NKAIN3: variants seen among roughly 807,000 people sequenced by gnomAD.
NKAIN3 encodes sodium/potassium-transporting ATPase subunit beta-1-interacting protein 3.
In NKAIN3, 25 loss-of-function variants were observed where a neutral mutation model predicts 30.2. The ratio of observed to expected loss-of-function variants is 0.83; its 90% CI spans 0.60 to 1.16. The LOEUF (loss-of-function observed/expected upper bound fraction) is 1.16. NKAIN3 is among the 50% of genes most tolerant of loss of function. The pLI, the probability that NKAIN3 is intolerant of heterozygous loss-of-function variation, is 0.00. For missense variants in NKAIN3, 225 were observed against 254.1 expected (o/e 0.89, Z 0.78); for synonymous variants, 91 against 89.6 (o/e 1.02, Z -0.09).
intron 1 of NKAIN3, among the ~76,000 whole-genome samples, chr8:62,577,666 T>A (rs1416139227): frequency 6.6e-6 from 1 of 151,084 alleles, no homozygotes; most frequent in Non-Finnish European, 1.5e-5. Flanking sequence ...AGAGAAAGGT[T>A]CCTGGGGACT....
rs1416853506 is a variant in NKAIN3 at position 62,891,865 on chromosome 8, TTC to T, written c.472-26584_472-26583del. ...TCTTCTTCCTTGCCTTCCCCCCGCT[TTC>T]TCTTTTTCATCTTCACACAATAAAT... On this transcript the variant is annotated intron_variant, in intron 4 of 6. Coordinates refer to ENST00000623646, the MANE Select transcript of NKAIN3 (RefSeq NM_001304533.3). 7.0e-4 allele frequency among the ~76,000 whole-genome samples: 107 copies of T among 152,278 alleles called. 1 individual carries two copies. The highest frequency in any genetic ancestry group is 4.4e-5 in the Non-Finnish European group (3 of 68,032).
intron 6 of NKAIN3, among the ~76,000 whole-genome samples, chr8:62,964,349 T>G (rs566787357): frequency 6.6e-6 from 1 of 152,176 alleles, no homozygotes; most frequent in African/African-American, 2.4e-5. Flanking sequence ...TAGTAGGTAC[T>G]GTGTTGAGGT....
intron 1 of NKAIN3, among the ~76,000 whole-genome samples, chr8:62,312,278 A>T (rs933891586): frequency 6.6e-6 from 1 of 150,734 alleles, no homozygotes; most frequent in Non-Finnish European, 1.5e-5. Flanking sequence ...AACAATGGAA[A>T]TAACACCTTT....
intron 3 of NKAIN3, among the ~76,000 whole-genome samples, chr8:62,655,550 GTAGAATAAATA>G (rs6150610): frequency 0.11 from 16,504 of 152,090 alleles, 1,080 homozygotes; most frequent in East Asian, 0.32. Flanking sequence ...TAAAAAACAG[GTAGAATAAATA>G]TAGAACTGGT....
chr8:62,275,597 A>G (rs1001389812), intron 1 of NKAIN3, among the ~76,000 whole-genome samples: 1 of 152,220 alleles, frequency 6.6e-6, no homozygotes, highest in Non-Finnish European at 1.5e-5. Context: ...ACCAACTAAG[A>G]ATAAATTTAA....
intron 4 of NKAIN3, among the ~76,000 whole-genome samples, chr8:62,791,141 C>A (rs948325555): frequency 5.3e-5 from 8 of 151,986 alleles, no homozygotes; most frequent in African/African-American, 1.9e-4. Context: ...CAAAGGCAAC[C>A]TAGATTCAAA....
At chr8:62,604,647 C>T (rs143162348) in intron 3 of NKAIN3, among the ~76,000 whole-genome samples, 2 of 152,122 alleles carry the variant, frequency 1.3e-5, no homozygotes, top group African/African-American at 4.8e-5. Context: ...ATTAGTAACT[C>T]GTAATTTTCT....
At chr8:62,933,209 G>A (rs1822675546) in intron 5 of NKAIN3, among the ~76,000 whole-genome samples, 2 of 152,196 alleles carry the variant, frequency 1.3e-5, no homozygotes, top group African/African-American at 4.8e-5. Context: ...AGAGATCTCA[G>A]TGAGCAAATG....
At chr8:62,647,664 T>C (rs777725545) in intron 3 of NKAIN3, among the ~76,000 whole-genome samples, 6 of 152,146 alleles carry the variant, frequency 3.9e-5, no homozygotes, top group Non-Finnish European at 8.8e-5. Flanking sequence ...TTACTCAGAC[T>C]CAGAGGTGAG....
At chr8:62,799,738 T>A (rs1349335245) in intron 4 of NKAIN3, among the ~76,000 whole-genome samples, 1 of 152,194 alleles carries the variant, frequency 6.6e-6, no homozygotes, top group Non-Finnish European at 1.5e-5. Flanking sequence ...AAAAAGATAC[T>A]TGCACATGCA....
intron 5 of NKAIN3, among the ~76,000 whole-genome samples, chr8:62,952,363 A>G (rs868545522): frequency 6.6e-6 from 1 of 152,206 alleles, no homozygotes; most frequent in South Asian, 2.1e-4. Flanking sequence ...ATAAAGCCAC[A>G]CTATTTTACC....
At chr8:62,293,365 G>A (rs1813717128) in intron 1 of NKAIN3, among the ~76,000 whole-genome samples, 1 of 152,172 alleles carries the variant, frequency 6.6e-6, no homozygotes, top group Admixed American at 6.5e-5. Flanking sequence ...TGTCTTTGCT[G>A]TTTTATCTAC....
chr8:62,837,704 C>G (rs150151822), intron 4 of NKAIN3, among the ~76,000 whole-genome samples: 149 of 152,180 alleles, frequency 9.8e-4, no homozygotes, highest in Admixed American at 2.4e-3. Context: ...AAATAATTTT[C>G]ACACTTTTTT....
intron 1 of NKAIN3, among the ~76,000 whole-genome samples, chr8:62,349,876 A>G (rs1015250287): frequency 2.0e-5 from 3 of 152,206 alleles, no homozygotes; most frequent in Admixed American, 6.5e-5. Flanking sequence ...CAGGACCTGA[A>G]GAGACACATC....
At chr8:62,957,890 A>C (rs2130901465) in intron 6 of NKAIN3, among the ~76,000 whole-genome samples, 1 of 151,648 alleles carries the variant, frequency 6.6e-6, no homozygotes, top group South Asian at 2.1e-4. Context: ...TAGATTCATC[A>C]ATTGTAACAC....
intron 1 of NKAIN3, among the ~76,000 whole-genome samples, chr8:62,295,693 C>G (rs146531574): frequency 1.1e-4 from 16 of 152,240 alleles, no homozygotes; most frequent in African/African-American, 2.9e-4. Flanking sequence ...TTGTTGGATT[C>G]TATTAGCTCC....
At chr8:62,771,847 A>T (rs1227772474) in intron 4 of NKAIN3, among the ~76,000 whole-genome samples, 1 of 152,208 alleles carries the variant, frequency 6.6e-6, no homozygotes, top group Non-Finnish European at 1.5e-5. Flanking sequence ...ACAATGCATA[A>T]TAATCACATC....
chr8:62,488,761 G>A (rs1414033987), intron 1 of NKAIN3, among the ~76,000 whole-genome samples: 1 of 152,106 alleles, frequency 6.6e-6, no homozygotes, highest in Non-Finnish European at 1.5e-5. Context: ...TTTATTGTGA[G>A]CAAAACAAAA....
At chr8:62,468,355 T>G (rs1487555471) in intron 1 of NKAIN3, among the ~76,000 whole-genome samples, 3 of 152,206 alleles carry the variant, frequency 2.0e-5, no homozygotes, top group Non-Finnish European at 4.4e-5. Flanking sequence ...TCATTTAATC[T>G]AGATCAAGGA....
Sources: allele counts gnomAD v4.1 joint callset (sites outside exome capture counted in the v4.1 genomes callset), GRCh38; gene constraint gnomAD v4.1.1; transcripts MANE v1.5; gene names NCBI Gene and HGNC (gene_info 2026-07-23, HGNC 2026-07-21).